Variants in MEI4 observed in about 807,000 individuals in gnomAD.
MEI4 encodes the protein meiotic double-stranded break formation protein 4.
Under a neutral mutation model 31.4 loss-of-function variants are expected in MEI4, and 27 were observed. The observed-to-expected ratio is 0.86, with a 90% CI of 0.63 to 1.19. The LOEUF is 1.19. Ranked by LOEUF, MEI4 falls within the 50% of genes most tolerant of loss-of-function variation. MEI4 has a pLI of 0.00. For missense variants in MEI4, 329 were observed against 398.9 expected (o/e 0.82, Z 1.49); for synonymous variants, 122 against 145.4 (o/e 0.84, Z 1.16).
chr6:77,880,435 G>A (rs1195992342), intron 4 of MEI4, among the ~76,000 whole-genome samples: 1 of 151,918 alleles, frequency 6.6e-6, no homozygotes, highest in East Asian at 1.9e-4. Flanking sequence ...GTTTCACCGT[G>A]TATTGTGGGT....
chr6:77,752,119 C>T (rs894955689), intron 2 of MEI4, among the ~76,000 whole-genome samples: 2 of 152,096 alleles, frequency 1.3e-5, no homozygotes, highest in African/African-American at 4.8e-5. Flanking sequence ...GAACGTATCT[C>T]AAAATAATAA....
At chr6:77,898,521 T>C (rs1766129353) in intron 4 of MEI4, among the ~76,000 whole-genome samples, 1 of 152,036 alleles carries the variant, frequency 6.6e-6, no homozygotes, top group Admixed American at 6.6e-5. Flanking sequence ...TTGACTTAAT[T>C]TTCTGCTCTG....
At chr6:77,835,390 AC>A (rs1770191064) in intron 4 of MEI4, among the ~76,000 whole-genome samples, 1 of 137,012 alleles carries the variant, frequency 7.3e-6, no homozygotes, top group Non-Finnish European at 1.6e-5. Flanking sequence ...ACACACACAC[AC>A]ACACACACAC....
chr6:77,796,534 A>C (rs1388899249), intron 3 of MEI4, among the ~76,000 whole-genome samples: 1 of 152,202 alleles, frequency 6.6e-6, no homozygotes, highest in Non-Finnish European at 1.5e-5. Context: ...CAAAATAAAC[A>C]TTTAAAAAAA....
intron 4 of MEI4, among the ~76,000 whole-genome samples, chr6:77,910,925 GTTTTTT>G (rs58959367): frequency 1.2e-4 from 14 of 120,580 alleles, no homozygotes; most frequent in African/African-American, 4.4e-4. Context: ...CCAGCTTCTG[GTTTTTT>G]TTTTTTTTTT....
chr6:77,759,502 C>CT (rs1238739325), intron 2 of MEI4, among the ~76,000 whole-genome samples: 1 of 152,160 alleles, frequency 6.6e-6, no homozygotes, highest in Non-Finnish European at 1.5e-5. Flanking sequence ...ATTTATGTGA[C>CT]TAAACCTGAA....
chr6:77,665,072 G>A (rs561784811), intron 1 of MEI4, among the ~76,000 whole-genome samples: 33 of 151,956 alleles, frequency 2.2e-4, no homozygotes, highest in African/African-American at 6.8e-4. Context: ...GAAGGGGTTC[G>A]GGGGTTCTTA....
intron 3 of MEI4, among the ~76,000 whole-genome samples, chr6:77,795,840 A>C (rs1769061251): frequency 1.3e-5 from 2 of 152,102 alleles, no homozygotes; most frequent in Admixed American, 1.3e-4. Context: ...AAACATTTAC[A>C]GTAGAATTAA....
chr6:77,674,773 C>T (rs1440622188), intron 1 of MEI4, among the ~76,000 whole-genome samples: 1 of 152,044 alleles, frequency 6.6e-6, no homozygotes, highest in Admixed American at 6.6e-5. Flanking sequence ...CAAGACAGAA[C>T]AAATTTCTCC....
At chr6:77,869,865 A>G (rs1771150067) in intron 4 of MEI4, among the ~76,000 whole-genome samples, 1 of 152,180 alleles carries the variant, frequency 6.6e-6, no homozygotes, top group Non-Finnish European at 1.5e-5. Flanking sequence ...GGTGAATACG[A>G]GAGTGGCTGA....
At chr6:77,846,454 T>C (rs749263285) in intron 4 of MEI4, among the ~76,000 whole-genome samples, 2 of 152,214 alleles carry the variant, frequency 1.3e-5, no homozygotes, top group Non-Finnish European at 2.9e-5. Flanking sequence ...TAGTAAGTTA[T>C]TTTCAGAGCT....
intron 1 of MEI4, among the ~76,000 whole-genome samples, chr6:77,683,295 A>C (rs187527196): frequency 1.8e-3 from 274 of 152,296 alleles, no homozygotes; most frequent in Middle Eastern, 3.4e-3. Context: ...AACAAATAAA[A>C]ATTTTATAAA....
chr6:77,843,524 G>T (rs191467527), intron 4 of MEI4, among the ~76,000 whole-genome samples: 1 of 141,100 alleles, frequency 7.1e-6, no homozygotes, highest in African/African-American at 2.5e-5. Context: ...CAAAATGTAG[G>T]CAGACAAATT....
intron 2 of MEI4, among the ~76,000 whole-genome samples, chr6:77,708,104 A>G (rs1235362559): frequency 6.6e-6 from 1 of 152,134 alleles, no homozygotes; most frequent in African/African-American, 2.4e-5. Flanking sequence ...CATCCTCCAG[A>G]TTTGAGAATG....
At chr6:77,911,266 T>A (rs1489784282) in intron 4 of MEI4, among the ~76,000 whole-genome samples, 1 of 152,132 alleles carries the variant, frequency 6.6e-6, no homozygotes, top group African/African-American at 2.4e-5. Context: ...ATCTTCTTAG[T>A]TCAATATAGT....
At chr6:77,650,357 G>A (rs1314492533), upstream of MEI4, among the ~76,000 whole-genome samples, 1 of 152,194 alleles carries the variant, frequency 6.6e-6, no homozygotes, top group Non-Finnish European at 1.5e-5. Context: ...GGGTCGAGTC[G>A]GCCGCAGGGT....
In MEI4 at chr6:77,711,012, T is replaced by C. The variant is rs148859965; in HGVS notation, c.232+20109T>C. 1.4e-3 allele frequency among the ~76,000 whole-genome samples: 213 copies of C among 152,360 alleles called. 1 individual carries two copies. The highest frequency in any genetic ancestry group is 4.5e-3 in the African/African-American group (187 of 41,584). On this transcript the variant is annotated intron_variant, in intron 2 of 4. Coordinates refer to ENST00000684080, the MANE Select transcript of MEI4 (RefSeq NM_001322247.2). ...TAGAAAGAATGGAACCCCCATTCTA[T>C]TTTCTACTTCTATGAGATCAGCTTT...
chr6:77,776,972 G>A (rs1343710877), intron 3 of MEI4, among the ~76,000 whole-genome samples: 1 of 152,164 alleles, frequency 6.6e-6, no homozygotes, highest in Non-Finnish European at 1.5e-5. Context: ...CCAGGTGAGA[G>A]TGGATAGTGG....
chr6:77,767,099 C>T (rs576002303), intron 3 of MEI4, among the ~76,000 whole-genome samples: 6 of 152,002 alleles, frequency 3.9e-5, no homozygotes, highest in East Asian at 1.9e-4. Flanking sequence ...AACAAACAAA[C>T]GGCTGGGCGC....
Sources: gnomAD v4.1 joint callset for allele counts (sites outside exome capture counted in the v4.1 genomes callset) on GRCh38, gnomAD v4.1.1 for gene constraint, MANE v1.5 for transcripts, NCBI Gene and HGNC (gene_info 2026-07-23, HGNC 2026-07-21) for gene names.